The following CFAP74 variants were observed in gnomAD, a reference collection of about 807,000 sequenced individuals.
CFAP74 encodes cilia- and flagella-associated protein 74.
CFAP74 carries 124 observed loss-of-function variants against 188.9 expected under a neutral mutation model. The observed-to-expected ratio is 0.66, with a 90% confidence interval of 0.57 to 0.76. The LOEUF (loss-of-function observed/expected upper bound fraction) is 0.76. Among genes scored for constraint, CFAP74 ranks in the 30% least tolerant of loss-of-function variants. The probability of loss-of-function intolerance (pLI) is 0.00; values close to 1 mark genes in which losing one functional copy is unlikely to be tolerated. For missense variants in CFAP74, 2,198 were observed against 2,165.2 expected (o/e 1.02, Z -0.30); for synonymous variants, 956 against 916.7 (o/e 1.04, Z -0.77).
chr1:1,989,313 C>T (rs74806630), intron 2 of CFAP74, among the ~76,000 whole-genome samples: 2,034 of 152,300 alleles, frequency 0.013, 46 homozygotes, highest in African/African-American at 0.039. Context: ...GTGTGGGAGC[C>T]GCCGGACTAA....
chr1:1,928,750 C>A lies in CFAP74; in HGVS notation c.3387+34G>T, dbSNP rs770669115. 3 of 1,494,286 alleles carry A rather than the reference C, an allele frequency of 2.0e-6. No individual in the cohort carries two copies. The South Asian group carries it at 3.6e-5, about 18-fold the overall frequency. The allele number at this position is 1,494,286 out of a possible 1,614,324, so 92.6% of individuals were successfully genotyped here. On this transcript the variant is annotated intron_variant, in intron 27 of 38. Transcript: ENST00000682832. ...TTTGTTCCTGCAACAGGCCCTTCCCCGACCTACGCCCCTCCTTCCCGGGCC... is the reference window on the plus strand; with the variant it reads ...TTTGTTCCTGCAACAGGCCCTTCCCAGACCTACGCCCCTCCTTCCCGGGCC...
intron 13 of CFAP74, among the ~76,000 whole-genome samples, chr1:1,964,561 G>A (rs1404712726): frequency 1.3e-5 from 2 of 152,192 alleles, no homozygotes; most frequent in Admixed American, 6.5e-5. Flanking sequence ...AGGCTGAGGC[G>A]GGCAGATCGC....
Position 1,955,840 on chromosome 1 carries a change from A to G in CFAP74, c.2027T>C (p.Leu676Pro). ...ATACAAGCTTTTATCTTCGTAGGTC[A>G]GGAGACTGCTCTAGAGAGGAGAATC... ...SQSALKLSSL[L>P]TYEDKSLYDK... is the part of the protein sequence containing the mutation. Residue 676 changes from leucine to proline, a missense_variant, in exon 18 of 39, where the codon CTG (leucine) becomes CCG (proline). Transcript: ENST00000682832. The G allele has an allele frequency of 6.2e-7, 1 of 1,613,062 alleles. No individual in the cohort carries two copies. Among genetic ancestry groups the G allele is most frequent in the East Asian group, 2.2e-5 (1 of 44,880 alleles).
rs374289957 is a variant in CFAP74, at chr1:1,970,676, C to G, written c.1029G>C (p.Glu343Asp). 1 of 1,610,734 alleles carries G rather than the reference C, an allele frequency of 6.2e-7. No individual in the cohort carries two copies. Among genetic ancestry groups the G allele is most frequent in the East Asian group, 2.2e-5 (1 of 44,782 alleles). ...RHLVHQRRRQ[E>D]LEAQKRAFEE... is the part of the protein sequence containing the mutation. ...ACCCTCACCTCTTCTGGGCCTCCAG[C>G]TCCTGGCGCCGGCGCTGGTGGACAA... is the stretch of plus-strand genomic sequence containing the variant. Residue 343 changes from glutamate to aspartate, a missense_variant, in exon 10 of 39, where the codon GAG becomes GAC. Physicochemically the swap from Glu to Asp is conservative, Grantham distance 45. Coordinates refer to ENST00000682832, the MANE Select transcript of CFAP74 (RefSeq NM_001304360.2).
intron 32 of CFAP74, 62 bp downstream of exon 32, chr1:1,926,166 C>A: frequency 6.9e-7 from 1 of 1,459,840 alleles, no homozygotes; most frequent in Non-Finnish European, 9.1e-7. Flanking sequence ...CGGCCAGTGC[C>A]TTTGTTCTGC....
intron 18 of CFAP74, among the ~76,000 whole-genome samples, chr1:1,952,040 C>G (rs1558018292): frequency 6.6e-6 from 1 of 152,218 alleles, no homozygotes; most frequent in African/African-American, 2.4e-5. Context: ...CAACCTCCAC[C>G]TCCCCGCTTC....
chr1:1,944,682 C>G (rs1653630232), intron 20 of CFAP74, among the ~76,000 whole-genome samples: 1 of 152,244 alleles, frequency 6.6e-6, no homozygotes, highest in South Asian at 2.1e-4. Flanking sequence ...TCTCGGCTCA[C>G]TGCAATGTCT....
intron 1 of CFAP74, among the ~76,000 whole-genome samples, chr1:2,001,959 G>T (rs913987525): frequency 6.6e-6 from 1 of 152,234 alleles, no homozygotes; most frequent in East Asian, 1.9e-4. Context: ...GAATAAAGAG[G>T]TATGTGAGAA....
Position 1,947,543 on chromosome 1 carries a change from C to T in CFAP74, c.2177-489G>A, listed in dbSNP as rs112325902. Among the ~76,000 whole-genome samples the T allele has an allele frequency of 3.2e-3, 480 of 152,356 alleles. 2 individuals carry two copies. The highest frequency in any genetic ancestry group is 0.011 in the African/African-American group (445 of 41,574). On this transcript the variant is annotated intron_variant, in intron 18 of 38. Coordinates refer to ENST00000682832, the MANE Select transcript of CFAP74 (RefSeq NM_001304360.2). ...GGGTTCTGGGGGCACCAGCCGGCAG[C>T]TGGTCAGCAGCAAGGCCCCGGGTAG...
At chr1:1,927,192 C>T in intron 28 of CFAP74, 164 bp from the exon 29 acceptor site, 1 of 744,900 alleles carries the variant, frequency 1.3e-6, no homozygotes, top group Non-Finnish European at 2.1e-6. Context: ...TCTCTGGCTC[C>T]TGTGGGGGTC....
At chr1:1,930,479 G>T in intron 25 of CFAP74, 143 bp from the exon 26 acceptor site, 1 of 786,520 alleles carries the variant, frequency 1.3e-6, no homozygotes, top group Non-Finnish European at 1.9e-6. Flanking sequence ...GGGGGTCACT[G>T]CGCCGCTGAC....
intron 1 of CFAP74, among the ~76,000 whole-genome samples, chr1:1,996,616 G>C (rs1243460754): frequency 1.3e-5 from 2 of 152,124 alleles, no homozygotes; most frequent in Non-Finnish European, 2.9e-5. Flanking sequence ...GGCAGTAACA[G>C]AAAGAAGGTC....
At chr1:1,962,892 C>A (rs955771443) in intron 14 of CFAP74, among the ~76,000 whole-genome samples, 1 of 151,830 alleles carries the variant, frequency 6.6e-6, no homozygotes, top group Non-Finnish European at 1.5e-5. Flanking sequence ...CTGTCAAAAA[C>A]AAAACAAAGA....
At position 1,973,641 on chromosome 1, in the gene CFAP74, C is replaced by T. The variant is rs923620110; in HGVS notation, c.674+384G>A. Among the ~76,000 whole-genome samples, 3 of 151,374 alleles carry T rather than the reference C, an allele frequency of 2.0e-5. No homozygotes were observed. Among genetic ancestry groups the T allele is most frequent in the Middle Eastern group, 3.2e-3 (1 of 316 alleles). On this transcript the variant is annotated intron_variant, in intron 7 of 38. Transcript: ENST00000682832. This position sits in a 1 kb window ranked among gnomAD's most constrained non-coding sequence, Gnocchi z 6.2. ...GCTCCACAGCCACGCAGGTGGGGGC[C>T]GTGGGAGGGGTGCAAAGGAGCAGCC...
chr1:1,924,856 C>T (rs1262155451), intron 33 of CFAP74, among the ~76,000 whole-genome samples: 4 of 152,254 alleles, frequency 2.6e-5, no homozygotes, highest in Admixed American at 2.6e-4. Context: ...CTGCCCTCAC[C>T]CCCTCTCCTT....
At position 1,935,394 on chromosome 1, in the gene CFAP74, A is replaced by T. The variant is rs1273141624; in HGVS notation, c.3011+3461T>A. 3.4e-5 allele frequency among the ~76,000 whole-genome samples: 3 copies of T among 88,942 alleles called. 1 individual carries two copies. Among genetic ancestry groups the T allele is most frequent in the Non-Finnish European group, 7.1e-5 (3 of 42,058 alleles). 58.3% of individuals were successfully genotyped at this position (88,942 alleles called of 152,430 possible). On this transcript the variant is annotated intron_variant, in intron 25 of 38. Transcript: ENST00000682832. ...TATGTGGGTGTTAGGTTATAGGTAC[A>T]CACGTCTGTATGTGTGGGTGTTAGG...
intron 26 of CFAP74, 56 bp from the exon 27 acceptor site, chr1:1,928,938 GCCCCTGC>G: frequency 8.2e-7 from 1 of 1,214,288 alleles, no homozygotes; most frequent in Non-Finnish European, 1.2e-6. Flanking sequence ...CCTCCCCGGA[GCCCCTGC>G]GGGCACTCTA....
intron 4 of CFAP74, chr1:1,987,903 C>CG (rs1657343749): frequency 6.0e-6 from 2 of 334,496 alleles, no homozygotes; most frequent in Non-Finnish European, 1.2e-5. Flanking sequence ...GTAGTTTCCC[C>CG]GGGTGAAGTA....
intron 18 of CFAP74, among the ~76,000 whole-genome samples, chr1:1,952,631 G>A (rs568146520): frequency 1.0e-3 from 153 of 149,692 alleles, no homozygotes; most frequent in Non-Finnish European, 2.0e-3. Context: ...CTAGTTAAAT[G>A]AGGAGATAAT....
Sources: gnomAD v4.1 joint callset for allele counts (sites outside exome capture counted in the v4.1 genomes callset) on GRCh38, gnomAD v4.1.1 for gene constraint, Gnocchi (gnomAD v3.1) non-coding constraint, MANE v1.5 for transcripts, NCBI Gene and HGNC (gene_info 2026-07-23, HGNC 2026-07-21) for gene names.